The following NT5DC1 variants were observed in gnomAD, a reference collection of about 807,000 sequenced individuals.
NT5DC1 encodes the protein 5'-nucleotidase domain-containing protein 1.
Under a neutral mutation model 59.4 loss-of-function variants are expected in NT5DC1, and 42 were observed. The observed-to-expected ratio is 0.71, with a 90% CI of 0.55 to 0.92. The LOEUF is 0.92. NT5DC1 is among the 40% of genes least tolerant of loss of function. NT5DC1 has a pLI of 0.00. For missense variants in NT5DC1, 501 were observed against 537.1 expected, an observed-to-expected ratio of 0.93 and a Z score of 0.66; for synonymous variants, 172 against 188.1, an observed-to-expected ratio of 0.91 and a Z score of 0.70.
At chr6:116,169,801 A>G (rs1279156992) in intron 6 of NT5DC1, among the ~76,000 whole-genome samples, 1 of 152,208 alleles carries the variant, frequency 6.6e-6, no homozygotes, top group Non-Finnish European at 1.5e-5. Flanking sequence ...ATAAAAACCT[A>G]TTGATTGAAA....
At chr6:116,180,576 G>T (rs1205039964) in intron 6 of NT5DC1, among the ~76,000 whole-genome samples, 1 of 152,050 alleles carries the variant, frequency 6.6e-6, no homozygotes, top group Non-Finnish European at 1.5e-5. Context: ...CAGCCATTTT[G>T]TGCCTCATGA....
intron 6 of NT5DC1, among the ~76,000 whole-genome samples, chr6:116,213,191 C>T (rs1424873341): frequency 6.6e-6 from 1 of 152,018 alleles, no homozygotes; most frequent in Non-Finnish European, 1.5e-5. Flanking sequence ...GTGGGGGTCT[C>T]TCCTGTGGTT....
chr6:116,104,357 CAGG>C (rs1224012466), intron 1 of NT5DC1, among the ~76,000 whole-genome samples: 1 of 152,176 alleles, frequency 6.6e-6, no homozygotes. Flanking sequence ...TCCTTTCTTC[CAGG>C]AGAATTCAAG....
intron 6 of NT5DC1, among the ~76,000 whole-genome samples, chr6:116,171,730 C>T (rs890647643): frequency 7.2e-5 from 11 of 152,124 alleles, no homozygotes; most frequent in African/African-American, 2.7e-4. Flanking sequence ...TGAGTTTTTA[C>T]GGTTTTCTCC....
intron 6 of NT5DC1, among the ~76,000 whole-genome samples, chr6:116,161,273 A>C (rs1035614701): frequency 6.6e-6 from 1 of 151,878 alleles, no homozygotes; most frequent in Non-Finnish European, 1.5e-5. Flanking sequence ...GTGCACCAGC[A>C]TGGCACATGT....
chr6:116,181,954 T>C (rs1385769170), intron 6 of NT5DC1, among the ~76,000 whole-genome samples: 2 of 152,032 alleles, frequency 1.3e-5, no homozygotes, highest in African/African-American at 2.4e-5. Flanking sequence ...ATTTCTGAGA[T>C]TTTGGTGCAC....
chr6:116,145,690 A>G (rs1254520878), intron 6 of NT5DC1, among the ~76,000 whole-genome samples: 1 of 152,220 alleles, frequency 6.6e-6, no homozygotes, highest in African/African-American at 2.4e-5. Context: ...TCAAATTTGT[A>G]TCTTCCATCC....
chr6:116,203,969 A>G (rs924324956), intron 6 of NT5DC1, among the ~76,000 whole-genome samples: 2 of 151,892 alleles, frequency 1.3e-5, no homozygotes, highest in Admixed American at 6.6e-5. Flanking sequence ...ATGCCCTGAC[A>G]CACACACGGT....
At chr6:116,121,077 C>T in intron 6 of NT5DC1, 3 of 1,614,050 alleles carry the variant, frequency 1.9e-6, no homozygotes, top group East Asian at 2.2e-5. Context: ...CCTTTTGGTC[C>T]TTGGGGTCCC....
At chr6:116,101,118 C>G (rs36043015) in intron 1 of NT5DC1, 95 bp downstream of exon 1, 133,998 of 871,002 alleles carry the variant, frequency 0.15, 11,556 homozygotes, top group African/African-American at 0.26. Flanking sequence ...GGACGCTGCC[C>G]GGGGCCTGCG....
intron 6 of NT5DC1, among the ~76,000 whole-genome samples, chr6:116,152,494 C>T (rs1780069529): frequency 6.6e-6 from 1 of 152,116 alleles, no homozygotes; most frequent in Non-Finnish European, 1.5e-5. Flanking sequence ...CCCCACCGTG[C>T]CAGAGAATGA....
chr6:116,171,532 T>G (rs1780608107), intron 6 of NT5DC1, among the ~76,000 whole-genome samples: 1 of 152,222 alleles, frequency 6.6e-6, no homozygotes, highest in African/African-American at 2.4e-5. Flanking sequence ...TTAAACCATA[T>G]GTCATATAAC....
chr6:116,227,000 A>G lies in NT5DC1; in HGVS notation c.802+3869A>G, dbSNP rs185641659. 1.7e-3 allele frequency among the ~76,000 whole-genome samples: 262 copies of G among 152,244 alleles called. 2 individuals carry two copies. Among genetic ancestry groups the G allele is most frequent in the African/African-American group, 5.9e-3 (246 of 41,540 alleles). ...TGTGTGGTAAGAACACTTAAAATCTATTCTCTTAGTAAATTTCAAATATAC... is the reference window on the plus strand; with the variant it reads ...TGTGTGGTAAGAACACTTAAAATCTGTTCTCTTAGTAAATTTCAAATATAC... On this transcript the variant is annotated intron_variant, in intron 8 of 11. Transcript: ENST00000319550.
At chr6:116,221,499 T>C (rs574178828) in intron 7 of NT5DC1, among the ~76,000 whole-genome samples, 1 of 152,328 alleles carries the variant, frequency 6.6e-6, no homozygotes, top group African/African-American at 2.4e-5. Flanking sequence ...GTAAACTGTA[T>C]ATCCTTCAGT....
chr6:116,204,707 C>G (rs1035292629), intron 6 of NT5DC1, among the ~76,000 whole-genome samples: 2 of 151,836 alleles, frequency 1.3e-5, no homozygotes, highest in African/African-American at 4.8e-5. Context: ...CACCAAAGTA[C>G]TGTTGTATTC....
rs546377514 is a variant in NT5DC1 at position 116,139,574 on chromosome 6, A to T, written c.529+21629A>T. On this transcript the variant is annotated intron_variant, in intron 6 of 11. Coordinates refer to ENST00000319550, the MANE Select transcript of NT5DC1 (RefSeq NM_152729.3). Reference sequence around the variant, plus strand: ...GTGTTAATAAGTGTATTGGAATATTAAAAAACATTTTATAAGACAGTAAAG... The same window carrying T: ...GTGTTAATAAGTGTATTGGAATATTTAAAAACATTTTATAAGACAGTAAAG... Among the ~76,000 whole-genome samples, 123 of 152,276 alleles carry T rather than the reference A, an allele frequency of 8.1e-4. 1 individual carries two copies. Among genetic ancestry groups the T allele is most frequent in the Non-Finnish European group, 1.5e-3 (104 of 68,008 alleles).
intron 6 of NT5DC1, among the ~76,000 whole-genome samples, chr6:116,214,515 G>A (rs952604040): frequency 1.3e-5 from 2 of 152,108 alleles, no homozygotes; most frequent in Non-Finnish European, 2.9e-5. Context: ...TTCTACTGAA[G>A]TAATTCTCAA....
intron 6 of NT5DC1, chr6:116,121,902 C>T: frequency 1.2e-6 from 2 of 1,613,900 alleles, no homozygotes; most frequent in Non-Finnish European, 1.7e-6. Context: ...CCTGGGTGCC[C>T]TCGAGGTCCA....
intron 6 of NT5DC1, among the ~76,000 whole-genome samples, chr6:116,143,420 G>C (rs1779815920): frequency 6.6e-6 from 1 of 152,064 alleles, no homozygotes; most frequent in Non-Finnish European, 1.5e-5. Flanking sequence ...CACCATGTTG[G>C]CCAGGATGGT....
Sources: allele counts gnomAD v4.1 joint callset (sites outside exome capture counted in the v4.1 genomes callset), GRCh38; gene constraint gnomAD v4.1.1; transcripts MANE v1.5; gene names NCBI Gene and HGNC (gene_info 2026-07-23, HGNC 2026-07-21).